Variants in ARB2A observed in about 807,000 individuals in gnomAD.
ARB2A encodes ARB2 cotranscriptional regulator A, also known as cotranscriptional regulator ARB2A.
At chr5:94,081,307 G>A in the ARB2A span, among the ~76,000 whole-genome samples, 1 of 152,122 alleles carries the variant, frequency 6.6e-6, no homozygotes, top group East Asian at 1.9e-4. Flanking sequence ...TACACACAGA[G>A]TTACCATATG....
the ARB2A span, among the ~76,000 whole-genome samples, chr5:93,891,610 C>T: frequency 6.6e-6 from 1 of 151,944 alleles, no homozygotes; most frequent in Non-Finnish European, 1.5e-5. Context: ...TTTGCTGGAA[C>T]ATTAAGGAGT....
chr5:94,013,408 C>T, the ARB2A span, among the ~76,000 whole-genome samples: 2 of 151,996 alleles, frequency 1.3e-5, no homozygotes, highest in Non-Finnish European at 2.9e-5. Context: ...GAACCCCTGA[C>T]CTCGTGATCC....
At chr5:94,086,406 T>C in the ARB2A span, among the ~76,000 whole-genome samples, 1 of 152,158 alleles carries the variant, frequency 6.6e-6, no homozygotes, top group Non-Finnish European at 1.5e-5. Flanking sequence ...CATAACATCA[T>C]GATACAACAC....
chr5:93,752,055 A>G, the ARB2A span, among the ~76,000 whole-genome samples: 21 of 152,322 alleles, frequency 1.4e-4, 1 homozygote, highest in East Asian at 3.9e-3. Context: ...ACTGGAAGCC[A>G]TAAAGACATG....
chr5:93,965,861 C>T, the ARB2A span, among the ~76,000 whole-genome samples: 1 of 151,940 alleles, frequency 6.6e-6, no homozygotes, highest in South Asian at 2.1e-4. Context: ...ATTCTTTCTT[C>T]TATGTATACG....
At chr5:93,805,315 A>G in the ARB2A span, 1 of 985,070 alleles carries the variant, frequency 1.0e-6, no homozygotes, top group Non-Finnish European at 1.2e-6. Flanking sequence ...CCTTCACTAT[A>G]TAAAGGAAAA....
At chr5:93,859,096 G>A in the ARB2A span, among the ~76,000 whole-genome samples, 1 of 152,054 alleles carries the variant, frequency 6.6e-6, no homozygotes, top group African/African-American at 2.4e-5. Flanking sequence ...ATAAAGGCAA[G>A]AATGTAAGAA....
the ARB2A span, among the ~76,000 whole-genome samples, chr5:93,795,135 TG>T: frequency 6.6e-6 from 1 of 151,576 alleles, no homozygotes; most frequent in African/African-American, 2.4e-5. Context: ...GCAGCTGCTA[TG>T]GGGGGTGGGG....
the ARB2A span, among the ~76,000 whole-genome samples, chr5:93,803,415 C>A: frequency 1.3e-5 from 2 of 151,800 alleles, no homozygotes; most frequent in Non-Finnish European, 2.9e-5. Context: ...TAAACCCACC[C>A]TAGAACTCTC....
the ARB2A span, among the ~76,000 whole-genome samples, chr5:93,749,301 C>G: frequency 2.0e-5 from 3 of 152,122 alleles, no homozygotes; most frequent in Non-Finnish European, 4.4e-5. Flanking sequence ...GGCCATTGAT[C>G]ATGATGTGCA....
chr5:93,988,759 T>G, the ARB2A span, among the ~76,000 whole-genome samples: 1 of 152,122 alleles, frequency 6.6e-6, no homozygotes, highest in African/African-American at 2.4e-5. Context: ...ATAAGGTCCT[T>G]TAATAACTCT....
the ARB2A span, among the ~76,000 whole-genome samples, chr5:93,995,226 A>G: frequency 6.6e-6 from 1 of 152,172 alleles, no homozygotes; most frequent in South Asian, 2.1e-4. Flanking sequence ...GTGAGTACCC[A>G]CTTAAAATGT....
chr5:93,772,897 C>T, the ARB2A span, among the ~76,000 whole-genome samples: 2 of 152,224 alleles, frequency 1.3e-5, no homozygotes, highest in African/African-American at 2.4e-5. Context: ...GCTCTTACCA[C>T]GTTCCCCATT....
chr5:94,088,033 T>C, the ARB2A span, among the ~76,000 whole-genome samples: 2 of 152,246 alleles, frequency 1.3e-5, no homozygotes, highest in African/African-American at 4.8e-5. Flanking sequence ...CATTGCCTTT[T>C]ATAATTTGTT....
At chr5:93,787,530 C>T in the ARB2A span, among the ~76,000 whole-genome samples, 1 of 152,094 alleles carries the variant, frequency 6.6e-6, no homozygotes, top group Admixed American at 6.5e-5. Flanking sequence ...GTAGGCAAAA[C>T]TTGTTTATTT....
chr5:93,702,953 T>C, the ARB2A span, among the ~76,000 whole-genome samples: 335 of 152,280 alleles, frequency 2.2e-3, no homozygotes, highest in African/African-American at 7.7e-3. Flanking sequence ...ACTTGTGACA[T>C]TTTATTGCAA....
the ARB2A span, among the ~76,000 whole-genome samples, chr5:93,767,475 A>T: frequency 1.3e-5 from 2 of 152,126 alleles, no homozygotes; most frequent in African/African-American, 4.8e-5. Flanking sequence ...GAGATTCCTT[A>T]AAGAACTAAA....
At chr5:93,940,415 T>C in the ARB2A span, among the ~76,000 whole-genome samples, 1 of 152,056 alleles carries the variant, frequency 6.6e-6, no homozygotes, top group African/African-American at 2.4e-5. Flanking sequence ...AATTCTGTCT[T>C]AATTTAAGGA....
the ARB2A span, chr5:93,740,360 C>T: frequency 1.9e-6 from 1 of 539,448 alleles, no homozygotes; most frequent in African/African-American, 1.9e-5. Flanking sequence ...TAGGGAAAAA[C>T]AAAGGGAAAA....
Sources: gnomAD v4.1 joint callset for allele counts (sites outside exome capture counted in the v4.1 genomes callset) on GRCh38, gnomAD v4.1.1 for gene constraint, MANE v1.5 for transcripts, NCBI Gene and HGNC (gene_info 2026-07-23, HGNC 2026-07-21) for gene names.